PVT1: variants seen among roughly 807,000 people sequenced by gnomAD.
PVT1 encodes CXCR4/PVT1 fusion.
chr8:127,868,968 A>G (rs914922744), intron 2 of PVT1, among the ~76,000 whole-genome samples: 41 of 151,368 alleles, frequency 2.7e-4, no homozygotes, highest in African/African-American at 8.0e-4. Flanking sequence ...GTCAATAACA[A>G]GTAGCTTAAG....
At position 127,842,529 on chromosome 8, in the gene PVT1, G is replaced by A. The variant is rs117991287; in HGVS notation, n.372+46458G>A. 5.9e-5 allele frequency among the ~76,000 whole-genome samples: 9 copies of A among 151,954 alleles called. No individual in the cohort carries two copies. In the East Asian group the frequency reaches 1.7e-3, roughly 29 times the overall value. On this transcript the variant is annotated intron_variant and non_coding_transcript_variant, in intron 2 of 10. Transcript: ENST00000651587. ...AATCCTACCACCTCAGCCTCCCAGC[G>A]AGTTGAGATTAAAGGTGTGAGCCAC...
At chr8:128,061,806 C>T (rs1177411628) in intron 4 of PVT1, among the ~76,000 whole-genome samples, 1 of 152,136 alleles carries the variant, frequency 6.6e-6, no homozygotes, top group Non-Finnish European at 1.5e-5. Flanking sequence ...TGGTTTGGTG[C>T]ATTTGAATAC....
intron 3 of PVT1, among the ~76,000 whole-genome samples, chr8:127,895,708 G>A (rs940206266): frequency 3.3e-5 from 5 of 152,084 alleles, no homozygotes; most frequent in African/African-American, 4.8e-5. Context: ...TTAACATTAC[G>A]TTTAGCTCTG....
chr8:127,910,803 AAAGTGGCTTGCTGGTGTT>A (rs1297591750), intron 3 of PVT1, among the ~76,000 whole-genome samples: 1 of 152,146 alleles, frequency 6.6e-6, no homozygotes, highest in Non-Finnish European at 1.5e-5. Context: ...CACACTGCTG[AAAGTGGCTTGCTGGTGTT>A]CCAGCCCCAA....
chr8:127,975,624 C>G (rs1020451461), intron 3 of PVT1, among the ~76,000 whole-genome samples: 1 of 152,198 alleles, frequency 6.6e-6, no homozygotes, highest in Non-Finnish European at 1.5e-5. Flanking sequence ...TTGCAACACC[C>G]TGCTCTTCAC....
intron 5 of PVT1, among the ~76,000 whole-genome samples, chr8:128,079,292 T>A (rs1052206332): frequency 6.6e-6 from 1 of 152,222 alleles, no homozygotes; most frequent in South Asian, 2.1e-4. Context: ...TCTGTGTGTA[T>A]GTAAATTAAT....
intron 3 of PVT1, among the ~76,000 whole-genome samples, chr8:127,931,195 T>C (rs1816202107): frequency 6.6e-6 from 1 of 152,188 alleles, no homozygotes; most frequent in Non-Finnish European, 1.5e-5. Flanking sequence ...TGTGAGCCAC[T>C]GCACCTGGCC....
chr8:128,089,999 A>C (rs1332980279), intron 5 of PVT1, among the ~76,000 whole-genome samples: 1 of 152,268 alleles, frequency 6.6e-6, no homozygotes, highest in African/African-American at 2.4e-5. Flanking sequence ...TAAAATGCAT[A>C]TAACAAAATC....
At chr8:127,970,218 G>C (rs1020229292) in intron 3 of PVT1, among the ~76,000 whole-genome samples, 4 of 150,012 alleles carry the variant, frequency 2.7e-5, no homozygotes, top group Non-Finnish European at 1.5e-5. Flanking sequence ...CAGACCCTCA[G>C]GGGGCACACA....
At chr8:127,833,078 C>T (rs1471787535) in intron 2 of PVT1, among the ~76,000 whole-genome samples, 2 of 152,168 alleles carry the variant, frequency 1.3e-5, no homozygotes, top group East Asian at 1.9e-4. Flanking sequence ...ACTATTATGG[C>T]TCCTTTCTTG....
At chr8:127,897,057 G>A (rs1384689204) in intron 3 of PVT1, among the ~76,000 whole-genome samples, 1 of 152,146 alleles carries the variant, frequency 6.6e-6, no homozygotes, top group Non-Finnish European at 1.5e-5. Flanking sequence ...AGTGTAACAA[G>A]CCTTGAGAAA....
rs1814058068 is a variant in PVT1 at position 128,074,537 on chromosome 8, G to GT, written n.1114+4176_1114+4177insT. ...GACTGTCTAAAAAAAAAAAAAAAAAGGGGGGGGCTCCTTCCCACTCATTTC... is the reference window on the plus strand; with the variant it reads ...GACTGTCTAAAAAAAAAAAAAAAAAGTGGGGGGGCTCCTTCCCACTCATTTC... On this transcript the variant is annotated intron_variant and non_coding_transcript_variant, in intron 5 of 10. Transcript: ENST00000651587. 4.8e-5 allele frequency among the ~76,000 whole-genome samples: 7 copies of GT among 144,972 alleles called. No individual in the cohort carries two copies. In the South Asian group the frequency reaches 7.2e-4, roughly 15 times the overall value.
intron 3 of PVT1, among the ~76,000 whole-genome samples, chr8:127,984,494 A>G (rs558267919): frequency 3.9e-4 from 59 of 152,350 alleles, no homozygotes; most frequent in African/African-American, 1.3e-3. Context: ...GACCCTGAGA[A>G]TAACAAAGTG....
At position 127,956,553 on chromosome 8, in the gene PVT1, C is replaced by T. The variant is rs374022811; in HGVS notation, n.783-32609C>T. On this transcript the variant is annotated intron_variant and non_coding_transcript_variant, in intron 3 of 10. Coordinates refer to ENST00000651587, the Ensembl canonical transcript of PVT1. ...AGGCTGGAGTGCAGTGGCGTGATCTCGGCTCACTGTAACCTCTGCCTCCTG... is the reference window on the plus strand; with the variant it reads ...AGGCTGGAGTGCAGTGGCGTGATCTTGGCTCACTGTAACCTCTGCCTCCTG... 1.5e-4 allele frequency among the ~76,000 whole-genome samples: 23 copies of T among 152,360 alleles called. No homozygotes were observed. The East Asian group carries it at 1.5e-3, about 10-fold the overall frequency.
chr8:128,091,575 GAA>G (rs1814353233), intron 5 of PVT1, among the ~76,000 whole-genome samples: 1 of 152,158 alleles, frequency 6.6e-6, no homozygotes, highest in Non-Finnish European at 1.5e-5. Context: ...CTGTTCTCCA[GAA>G]GTGCTGCTTA....
At chr8:128,053,249 A>G (rs1813719762) in intron 4 of PVT1, among the ~76,000 whole-genome samples, 1 of 152,092 alleles carries the variant, frequency 6.6e-6, no homozygotes, top group Non-Finnish European at 1.5e-5. Flanking sequence ...ATCAACATGG[A>G]AGAAATGCAT....
intron 3 of PVT1, among the ~76,000 whole-genome samples, chr8:127,955,564 GTC>G (rs1816558194): frequency 6.6e-6 from 1 of 152,050 alleles, no homozygotes; most frequent in Non-Finnish European, 1.5e-5. Context: ...ATGCCCAAGA[GTC>G]TGTAATCCCC....
rs116578355 is a variant in PVT1, at chr8:127,902,060, G to A, written n.782+11062G>A. On this transcript the variant is annotated intron_variant and non_coding_transcript_variant, in intron 3 of 10. Transcript: ENST00000651587. Reference sequence around the variant, plus strand: ...GATCTTTGGTGAAAACTTAGAATGCGTAGAAATGTGTTGGTGGTTGAAAGA... The same window carrying A: ...GATCTTTGGTGAAAACTTAGAATGCATAGAAATGTGTTGGTGGTTGAAAGA... Among the ~76,000 whole-genome samples the A allele has an allele frequency of 6.4e-3, 982 of 152,278 alleles. 20 individuals carry two copies. Among genetic ancestry groups the A allele is most frequent in the African/African-American group, 0.023 (937 of 41,552 alleles).
intron 4 of PVT1, among the ~76,000 whole-genome samples, chr8:128,022,594 T>C (rs907226603): frequency 1.3e-5 from 2 of 152,226 alleles, no homozygotes; most frequent in Non-Finnish European, 2.9e-5. Context: ...TCCAAGTTCT[T>C]GCTGCCTCTC....
Sources: allele counts gnomAD v4.1 joint callset (sites outside exome capture counted in the v4.1 genomes callset), GRCh38; gene constraint gnomAD v4.1.1; transcripts MANE v1.5; gene names NCBI Gene and HGNC (gene_info 2026-07-23, HGNC 2026-07-21).